Variants in NPHP1 observed in about 807,000 individuals in gnomAD.
NPHP1 encodes nephrocystin 1, also known as nephrocystin-1.
In NPHP1, 70 loss-of-function variants were observed where a neutral mutation model predicts 90.4. The ratio of observed to expected loss-of-function variants is 0.77; its 90% CI spans 0.64 to 0.95. NPHP1 has a LOEUF of 0.95. Ranked by LOEUF, NPHP1 falls within the 40% of genes least tolerant of loss-of-function variation. The pLI is 0.00. For missense variants in NPHP1, 764 were observed against 795.9 expected (o/e 0.96, Z 0.48); for synonymous variants, 256 against 271.7 (o/e 0.94, Z 0.57).
At position 110,125,762 on chromosome 2, in the gene NPHP1, A is replaced by T. The variant is rs184898296; in HGVS notation, c.1717-81T>A. 6 of 1,127,874 alleles carry T rather than the reference A, an allele frequency of 5.3e-6. No homozygotes were observed. The East Asian group carries it at 1.4e-4, about 26-fold the overall frequency. 69.9% of individuals were successfully genotyped at this position (1,127,874 alleles called of 1,614,324 possible). ...ACTTATGCAAATTTACTCTGTAAAT[A>T]AACTTATGGACAGGGTTAAAAATGC... On this transcript the variant is annotated intron_variant, in intron 18 of 19. Transcript: ENST00000445609.
At position 110,123,913 on chromosome 2, in the gene NPHP1, G is replaced by T. The variant is rs759297141; in HGVS notation, c.1912C>A (p.Gln638Lys). The change falls in exon 20 of 20, where the codon CAA becomes AAA. Residue 638 changes from glutamine to lysine, a missense_variant. Gln to Lys is a moderately conservative substitution (Grantham distance 53). Coordinates refer to ENST00000445609, the MANE Select transcript of NPHP1 (RefSeq NM_001128178.3). ...RWKVITDFLKQNQENQGALQA... is the reference protein window; with the variant it reads ...RWKVITDFLKKNQENQGALQA... Reference sequence around the variant, plus strand: ...AGGGCGCCCTGGTTTTCTTGGTTTTGCTTAAGGAAGTCAGTGATAACTTTC... The same window carrying T: ...AGGGCGCCCTGGTTTTCTTGGTTTTTCTTAAGGAAGTCAGTGATAACTTTC... 1.2e-6 allele frequency: 2 copies of T among 1,614,098 alleles called. No individual in the cohort carries two copies. The highest frequency in any genetic ancestry group is 1.1e-5 in the South Asian group (1 of 91,080).
chr2:110,146,098 A>G lies in NPHP1; in HGVS notation c.1352+655T>C, dbSNP rs1681025966. On this transcript the variant is annotated intron_variant, in intron 14 of 19. Transcript: ENST00000445609. ...CTGGGACTGGAGCCCAAAATTTTAT[A>G]ATCCAAATTTGGGATCTTAATCACC... Among the ~76,000 whole-genome samples the G allele has an allele frequency of 2.0e-5, 3 of 152,178 alleles. No individual in the cohort carries two copies. In the South Asian group the frequency reaches 6.2e-4, roughly 32 times the overall value.
chr2:110,178,668 C>T, intron 3 of NPHP1, 121 bp from the exon 4 acceptor site: 1 of 794,296 alleles, frequency 1.3e-6, no homozygotes, highest in Non-Finnish European at 2.0e-6. Context: ...TGACATTACA[C>T]CTATCTTAGG....
intron 9 of NPHP1, among the ~76,000 whole-genome samples, chr2:110,162,330 G>A (rs546671001): frequency 6.6e-6 from 1 of 152,002 alleles, no homozygotes; most frequent in African/African-American, 2.4e-5. Flanking sequence ...CACATGAATG[G>A]GAGTAAGGGA....
chr2:110,173,217 G>A (rs374307031), intron 4 of NPHP1, among the ~76,000 whole-genome samples: 2 of 152,162 alleles, frequency 1.3e-5, no homozygotes, highest in South Asian at 2.1e-4. Flanking sequence ...CAGCACAGGC[G>A]TGAGCCACCG....
At chr2:110,175,738 T>C (rs1683461267) in intron 4 of NPHP1, among the ~76,000 whole-genome samples, 1 of 152,100 alleles carries the variant, frequency 6.6e-6, no homozygotes, top group Admixed American at 6.5e-5. Flanking sequence ...TGGATTGATA[T>C]CTCTCTTAGA....
At chr2:110,166,815 G>A (rs1044450148) in intron 6 of NPHP1, among the ~76,000 whole-genome samples, 3 of 152,050 alleles carry the variant, frequency 2.0e-5, no homozygotes, top group African/African-American at 4.8e-5. Context: ...CAACTTCAAT[G>A]ACCATCTAAA....
chr2:110,124,951 T>C, intron 19 of NPHP1: 3 of 370,406 alleles, frequency 8.1e-6, no homozygotes, highest in Non-Finnish European at 1.4e-5. Flanking sequence ...AGATCAGGAC[T>C]GGTAAAGTAT....
intron 2 of NPHP1, among the ~76,000 whole-genome samples, chr2:110,195,895 A>C (rs980006699): frequency 2.6e-5 from 4 of 152,120 alleles, no homozygotes; most frequent in East Asian, 1.9e-4. Context: ...CAAAAACAAG[A>C]AATGGGGAAA....
intron 16 of NPHP1, among the ~76,000 whole-genome samples, chr2:110,138,741 CATG>C (rs1680404931): frequency 6.6e-6 from 1 of 152,058 alleles, no homozygotes; most frequent in African/African-American, 2.4e-5. Flanking sequence ...ACTCAGGGCT[CATG>C]ATGAAGAACA....
chr2:110,196,180 T>C (rs1455850418), intron 2 of NPHP1, among the ~76,000 whole-genome samples: 1 of 152,060 alleles, frequency 6.6e-6, no homozygotes, highest in Non-Finnish European at 1.5e-5. Flanking sequence ...AAAGAGCTTC[T>C]GCACAGCAAA....
At chr2:110,204,574 G>A (rs993723715) in intron 1 of NPHP1, among the ~76,000 whole-genome samples, 5 of 152,154 alleles carry the variant, frequency 3.3e-5, no homozygotes, top group Admixed American at 3.3e-4. Flanking sequence ...AGTTTAGATT[G>A]GGAGATAAGG....
intron 2 of NPHP1, among the ~76,000 whole-genome samples, chr2:110,180,050 C>G (rs1209875409): frequency 6.6e-6 from 1 of 152,160 alleles, no homozygotes; most frequent in African/African-American, 2.4e-5. Context: ...TTACTGTGTG[C>G]CAACCATGTT....
In NPHP1 at chr2:110,123,658, A is replaced by G; in HGVS notation, c.*133T>C. On this transcript the variant is annotated 3_prime_UTR_variant, in exon 20 of 20. Coordinates refer to ENST00000445609, the MANE Select transcript of NPHP1 (RefSeq NM_001128178.3). ...ATTGTATAAACATTTCTTTAAAAAT[A>G]TGGTCTGTAGAAAGAAAAGAGTAAA... The G allele has an allele frequency of 1.3e-6, 1 of 799,482 alleles. No homozygotes were observed. 49.5% of individuals were successfully genotyped at this position (799,482 alleles called of 1,614,324 possible).
chr2:110,178,348 T>C, intron 4 of NPHP1, 75 bp downstream of exon 4: 1 of 1,392,212 alleles, frequency 7.2e-7, no homozygotes, highest in Non-Finnish European at 1.0e-6. Flanking sequence ...CTGCTATATG[T>C]CTTTGAGTTA....
chr2:110,131,877 A>G (rs1272890037), intron 16 of NPHP1, 86 bp from the exon 17 acceptor site: 2 of 923,814 alleles, frequency 2.2e-6, no homozygotes. Flanking sequence ...TTTAATAAAC[A>G]GTCCCAAATT....
chr2:110,198,027 C>A (rs763929819), intron 2 of NPHP1, among the ~76,000 whole-genome samples: 2 of 151,920 alleles, frequency 1.3e-5, no homozygotes, highest in Non-Finnish European at 2.9e-5. Flanking sequence ...CTCCTGAAAC[C>A]CCACAAAAAA....
chr2:110,188,235 T>C (rs1348936082), intron 2 of NPHP1, among the ~76,000 whole-genome samples: 1 of 152,150 alleles, frequency 6.6e-6, no homozygotes, highest in East Asian at 1.9e-4. Context: ...TATCCCTGTT[T>C]GCAGATGACA....
In NPHP1 at chr2:110,146,811, T is replaced by C. The variant is rs998050681; in HGVS notation, c.1294A>G (p.Ser432Gly). 3.7e-6 allele frequency: 6 copies of C among 1,613,354 alleles called. No individual in the cohort carries two copies. The highest frequency in any genetic ancestry group is 4.2e-6 in the Non-Finnish European group (5 of 1,179,436). The change falls in exon 14 of 20, where the codon AGC becomes GGC. Residue 432 changes from serine to glycine, a missense_variant. Ser to Gly is a moderately conservative substitution (Grantham distance 56, BLOSUM62 0). Transcript: ENST00000445609. Reference sequence around the variant, plus strand: ...AGTTTAAGAAACACCCAGCCACAGCTTAACTCTCCTCTTTCACCAGTTGAC... The same window carrying C: ...AGTTTAAGAAACACCCAGCCACAGCCTAACTCTCCTCTTTCACCAGTTGAC... The part of the protein sequence containing the change: ...RNSTGERGEL[S>G]CGWVFLKLFD...
Sources: allele counts gnomAD v4.1 joint callset (sites outside exome capture counted in the v4.1 genomes callset), GRCh38; gene constraint gnomAD v4.1.1; transcripts MANE v1.5; gene names NCBI Gene and HGNC (gene_info 2026-07-23, HGNC 2026-07-21).